MAGI3: variants seen among roughly 807,000 people sequenced by gnomAD.
MAGI3 encodes the protein membrane associated guanylate kinase, WW and PDZ domain containing 3.
Under a neutral mutation model 121.8 loss-of-function variants are expected in MAGI3, and 43 were observed. The observed-to-expected ratio is 0.35, with a 90% confidence interval of 0.28 to 0.46. The LOEUF is 0.46. MAGI3 is among the 20% of genes least tolerant of loss of function. The pLI is 1.00. For missense variants in MAGI3, 1,547 were observed against 1,797.3 expected (o/e 0.86, Z 2.52); for synonymous variants, 553 against 639.3 (o/e 0.86, Z 2.04).
chr1:113,508,170 T>C (rs1268768435), intron 1 of MAGI3, among the ~76,000 whole-genome samples: 1 of 152,176 alleles, frequency 6.6e-6, no homozygotes, highest in Non-Finnish European at 1.5e-5. Flanking sequence ...TGTTTGCAAT[T>C]TTATGAAAAT....
intron 11 of MAGI3, 36 bp from the exon 12 acceptor site, chr1:113,646,450 T>G: frequency 2.6e-6 from 4 of 1,535,826 alleles, no homozygotes; most frequent in Non-Finnish European, 1.8e-6. Flanking sequence ...CATCTGCTTT[T>G]TAAAAAATAC....
intron 1 of MAGI3, among the ~76,000 whole-genome samples, chr1:113,485,067 A>G (rs61819364): frequency 3.0e-4 from 45 of 151,968 alleles, no homozygotes; most frequent in Non-Finnish European, 5.4e-4. Flanking sequence ...ACTCATTGTG[A>G]TGGGCATTTG....
At chr1:113,563,934 C>G (rs1261789694) in intron 2 of MAGI3, among the ~76,000 whole-genome samples, 2 of 152,210 alleles carry the variant, frequency 1.3e-5, no homozygotes, top group Admixed American at 6.5e-5. Context: ...AGGTCTAAAT[C>G]CCAGACCTTG....
At chr1:113,450,183 T>A (rs1436962015) in intron 1 of MAGI3, 3 of 1,542,054 alleles carry the variant, frequency 1.9e-6, no homozygotes, top group Non-Finnish European at 2.7e-6. Context: ...ATAAAATTGT[T>A]GTTCAGAAAT....
chr1:113,572,443 G>A (rs1229366712), intron 2 of MAGI3, among the ~76,000 whole-genome samples: 1 of 152,142 alleles, frequency 6.6e-6, no homozygotes, highest in African/African-American at 2.4e-5. Context: ...TTTTTCTATT[G>A]TTTGGAAGAG....
At chr1:113,659,371 A>T in intron 16 of MAGI3, 106 bp downstream of exon 16, 1 of 1,023,852 alleles carries the variant, frequency 9.8e-7, no homozygotes, top group Admixed American at 2.6e-5. Flanking sequence ...CGGGGATATA[A>T]CTGTGTATGC....
chr1:113,665,929 G>A (rs1654022113), intron 16 of MAGI3, among the ~76,000 whole-genome samples: 1 of 152,142 alleles, frequency 6.6e-6, no homozygotes, highest in Non-Finnish European at 1.5e-5. Context: ...GCAATAAAGT[G>A]AATCACATGA....
intron 14 of MAGI3, among the ~76,000 whole-genome samples, chr1:113,653,390 G>A (rs1571004388): frequency 6.6e-6 from 1 of 152,066 alleles, no homozygotes; most frequent in African/African-American, 2.4e-5. Context: ...TGGCCAATAT[G>A]GTGAAACCCC....
At chr1:113,455,750 C>G (rs1385239395) in intron 1 of MAGI3, among the ~76,000 whole-genome samples, 1 of 152,096 alleles carries the variant, frequency 6.6e-6, no homozygotes, top group South Asian at 2.1e-4. Flanking sequence ...GCTCCTTATA[C>G]TTTGTTTTCA....
chr1:113,462,009 A>G (rs1655060499), intron 1 of MAGI3, among the ~76,000 whole-genome samples: 1 of 152,244 alleles, frequency 6.6e-6, no homozygotes, highest in African/African-American at 2.4e-5. Context: ...AATTAAAATC[A>G]CAGTGAGATA....
chr1:113,619,081 C>T (rs1286552197), intron 7 of MAGI3, among the ~76,000 whole-genome samples: 3 of 152,186 alleles, frequency 2.0e-5, no homozygotes, highest in African/African-American at 7.2e-5. Flanking sequence ...TGCTTTCTCT[C>T]AGAGAGTTGT....
chr1:113,469,642 T>C (rs1354662750), intron 1 of MAGI3, among the ~76,000 whole-genome samples: 1 of 152,164 alleles, frequency 6.6e-6, no homozygotes, highest in Non-Finnish European at 1.5e-5. Flanking sequence ...CATTTGACTT[T>C]TGGGAAAATG....
chr1:113,456,292 G>T (rs973661486), intron 1 of MAGI3, among the ~76,000 whole-genome samples: 1 of 151,782 alleles, frequency 6.6e-6, no homozygotes, highest in Non-Finnish European at 1.5e-5. Flanking sequence ...GTGAGATTTA[G>T]AAACCCATCC....
At chr1:113,535,253 G>A (rs867535798) in intron 1 of MAGI3, among the ~76,000 whole-genome samples, 2 of 151,936 alleles carry the variant, frequency 1.3e-5, no homozygotes, top group South Asian at 4.1e-4. Context: ...GGAAAAAACA[G>A]AAGCTTTATA....
intron 1 of MAGI3, among the ~76,000 whole-genome samples, chr1:113,530,910 TG>T (rs1557806514): frequency 3.2e-4 from 18 of 55,940 alleles, no homozygotes; most frequent in African/African-American, 7.7e-4. Flanking sequence ...AGCAAGCCCC[TG>T]TCTCAAAAAA....
intron 1 of MAGI3, among the ~76,000 whole-genome samples, chr1:113,414,380 A>G (rs1463775203): frequency 6.6e-6 from 1 of 152,126 alleles, no homozygotes; most frequent in Non-Finnish European, 1.5e-5. Flanking sequence ...TATCAGGATG[A>G]TGTTGGCCTT....
intron 1 of MAGI3, among the ~76,000 whole-genome samples, chr1:113,402,126 C>T (rs2101297173): frequency 1.3e-5 from 2 of 152,230 alleles, no homozygotes; most frequent in Middle Eastern, 3.4e-3. Context: ...GTTCTAGTTT[C>T]TGGCATAAGA....
chr1:113,572,709 A>G (rs1050370360), intron 2 of MAGI3, among the ~76,000 whole-genome samples: 2 of 152,080 alleles, frequency 1.3e-5, no homozygotes, highest in African/African-American at 4.8e-5. Flanking sequence ...CTCTGAAGGT[A>G]GTTTGTATTT....
At chr1:113,631,396 A>G (rs1469089709) in intron 9 of MAGI3, among the ~76,000 whole-genome samples, 1 of 152,108 alleles carries the variant, frequency 6.6e-6, no homozygotes, top group Non-Finnish European at 1.5e-5. Context: ...CTATCCCGCC[A>G]CTTTGCTCTG....
Sources: gnomAD v4.1 joint callset for allele counts (sites outside exome capture counted in the v4.1 genomes callset) on GRCh38, gnomAD v4.1.1 for gene constraint, MANE v1.5 for transcripts, NCBI Gene and HGNC (gene_info 2026-07-23, HGNC 2026-07-21) for gene names.